The following GPC5 variants were observed in gnomAD, a reference collection of about 807,000 sequenced individuals.
GPC5 encodes glypican-5.
GPC5 carries 47 observed loss-of-function variants against 53.9 expected under a neutral mutation model. The ratio of observed to expected loss-of-function variants is 0.87; its 90% CI spans 0.69 to 1.11. GPC5 has a LOEUF of 1.11. GPC5 is among the 50% of genes most tolerant of loss of function. The probability of loss-of-function intolerance (pLI) is 0.00; values close to 1 mark genes in which losing one functional copy is unlikely to be tolerated. For synonymous variants in GPC5, 286 were observed against 263.3 expected, an observed-to-expected ratio of 1.09 and a Z score of -0.84; for missense variants, 748 against 713.1, an observed-to-expected ratio of 1.05 and a Z score of -0.56.
chr13:92,109,239 A>AT (rs899321497), intron 6 of GPC5, among the ~76,000 whole-genome samples: 85 of 150,462 alleles, frequency 5.6e-4, no homozygotes, highest in Admixed American at 2.3e-3. Flanking sequence ...GTTCCTTTTT[A>AT]TTTTTTTTGT....
chr13:92,048,922 A>G (rs1215014303), intron 6 of GPC5, among the ~76,000 whole-genome samples: 1 of 152,234 alleles, frequency 6.6e-6, no homozygotes, highest in African/African-American at 2.4e-5. Flanking sequence ...ACTCATTGTT[A>G]GAATAATCAT....
chr13:91,787,362 T>C (rs375490219), intron 5 of GPC5, among the ~76,000 whole-genome samples: 1 of 152,158 alleles, frequency 6.6e-6, no homozygotes, highest in Non-Finnish European at 1.5e-5. Context: ...AGATTCTTAG[T>C]TTGCTTAGAG....
At chr13:92,202,875 A>T (rs2042304936) in intron 7 of GPC5, among the ~76,000 whole-genome samples, 1 of 152,214 alleles carries the variant, frequency 6.6e-6, no homozygotes, top group African/African-American at 2.4e-5. Flanking sequence ...ATTCTTCTGA[A>T]GCACATTTTT....
chr13:92,740,550 G>C (rs1889054932), intron 7 of GPC5, among the ~76,000 whole-genome samples: 1 of 151,972 alleles, frequency 6.6e-6, no homozygotes, highest in Non-Finnish European at 1.5e-5. Context: ...GGTATGTATA[G>C]AACATGTTGA....
chr13:92,511,743 T>G (rs1199110079), intron 7 of GPC5, among the ~76,000 whole-genome samples: 21 of 152,214 alleles, frequency 1.4e-4, no homozygotes, highest in Admixed American at 1.4e-3. Context: ...CTCCTTCTTC[T>G]GATACTTAGC....
At chr13:91,932,870 C>G (rs1402305739) in intron 6 of GPC5, among the ~76,000 whole-genome samples, 1 of 151,818 alleles carries the variant, frequency 6.6e-6, no homozygotes, top group Admixed American at 6.6e-5. Flanking sequence ...TCCAACGACA[C>G]CAAAATAGTA....
intron 7 of GPC5, among the ~76,000 whole-genome samples, chr13:92,175,017 AT>A (rs1346233077): frequency 6.6e-6 from 1 of 152,012 alleles, no homozygotes; most frequent in African/African-American, 2.4e-5. Context: ...GTCCTGCTAA[AT>A]TTTTTTGTAG....
intron 5 of GPC5, among the ~76,000 whole-genome samples, chr13:91,847,234 A>AG (rs2038861297): frequency 6.6e-6 from 1 of 151,672 alleles, no homozygotes; most frequent in Non-Finnish European, 1.5e-5. Flanking sequence ...AAAAAAAAAA[A>AG]AAAAGAAATG....
chr13:92,742,646 A>G (rs1389239317), intron 7 of GPC5, among the ~76,000 whole-genome samples: 1 of 152,100 alleles, frequency 6.6e-6, no homozygotes, highest in East Asian at 1.9e-4. Context: ...TTAGACACGA[A>G]GTCCTTGCCC....
At chr13:92,734,165 T>C (rs1444794211) in intron 7 of GPC5, among the ~76,000 whole-genome samples, 1 of 151,856 alleles carries the variant, frequency 6.6e-6, no homozygotes, top group Non-Finnish European at 1.5e-5. Flanking sequence ...TCTTCTCTGA[T>C]TCTCAGTTTC....
At chr13:92,143,367 C>T (rs2041844881) in intron 6 of GPC5, among the ~76,000 whole-genome samples, 1 of 152,012 alleles carries the variant, frequency 6.6e-6, no homozygotes, top group African/African-American at 2.4e-5. Flanking sequence ...TACCATTTAT[C>T]CTTTCCTTTT....
chr13:91,788,947 CTCAGATCTGTAA>C (rs2037920684), intron 5 of GPC5, among the ~76,000 whole-genome samples: 3 of 152,272 alleles, frequency 2.0e-5, no homozygotes, highest in African/African-American at 7.2e-5. Context: ...GGCATGGTGG[CTCAGATCTGTAA>C]TCCCAGCACT....
chr13:91,557,952 G>A (rs1311569567), intron 2 of GPC5, among the ~76,000 whole-genome samples: 3 of 152,110 alleles, frequency 2.0e-5, no homozygotes, highest in African/African-American at 7.2e-5. Flanking sequence ...GTGGGATTGA[G>A]ACAAGCTAAG....
intron 7 of GPC5, among the ~76,000 whole-genome samples, chr13:92,207,457 T>G (rs928476223): frequency 6.6e-6 from 1 of 152,194 alleles, no homozygotes; most frequent in East Asian, 1.9e-4. Flanking sequence ...TGAGAACATG[T>G]GGGGAAAAGA....
At position 92,518,146 on chromosome 13, in the gene GPC5, G is replaced by A. The variant is rs113203551; in HGVS notation, c.1562-348136G>A. Among the ~76,000 whole-genome samples, 580 of 152,268 alleles carry A rather than the reference G, an allele frequency of 3.8e-3. 1 individual carries two copies. The highest frequency in any genetic ancestry group is 0.012 in the African/African-American group (516 of 41,548). On this transcript the variant is annotated intron_variant, in intron 7 of 7. Coordinates refer to ENST00000377067, the MANE Select transcript of GPC5 (RefSeq NM_004466.6). ...GACTCTGTGAAAAGACCAAATCTAC[G>A]TCTGATTGTTGTCCCTGAAAGTGAG...
chr13:91,494,358 T>TATTA (rs1884129683), intron 2 of GPC5, among the ~76,000 whole-genome samples: 1 of 137,900 alleles, frequency 7.3e-6, no homozygotes, highest in African/African-American at 3.1e-5. Flanking sequence ...TTTTATTAAT[T>TATTA]ATTATTATTA....
intron 6 of GPC5, among the ~76,000 whole-genome samples, chr13:91,986,061 CTTT>C (rs779259362): frequency 2.1e-5 from 2 of 95,458 alleles, no homozygotes; most frequent in African/African-American, 8.9e-5. Context: ...TTAGCCAATA[CTTT>C]TTTTTTTTTT....
chr13:92,711,531 A>G (rs998655148), intron 7 of GPC5, among the ~76,000 whole-genome samples: 1 of 152,124 alleles, frequency 6.6e-6, no homozygotes, highest in African/African-American at 2.4e-5. Flanking sequence ...TGTCTCACTA[A>G]TCGATAGAAC....
chr13:91,971,152 T>C (rs1462991084), intron 6 of GPC5, among the ~76,000 whole-genome samples: 1 of 152,186 alleles, frequency 6.6e-6, no homozygotes, highest in East Asian at 1.9e-4. Context: ...GAGCCTGTTA[T>C]TGGTCTATTC....
Sources: gnomAD v4.1 joint callset for allele counts (sites outside exome capture counted in the v4.1 genomes callset) on GRCh38, gnomAD v4.1.1 for gene constraint, MANE v1.5 for transcripts, NCBI Gene and HGNC (gene_info 2026-07-23, HGNC 2026-07-21) for gene names.